Variants in PRKN observed in about 807,000 individuals in gnomAD.
PRKN encodes parkin RBR E3 ubiquitin protein ligase.
Under a neutral mutation model 59.5 loss-of-function variants are expected in PRKN, and 56 were observed. The observed-to-expected ratio is 0.94, with a 90% CI of 0.76 to 1.18. PRKN has a LOEUF of 1.18. PRKN is among the 50% of genes most tolerant of loss of function. The pLI is 0.00. For missense variants in PRKN, 657 were observed against 596.4 expected, an observed-to-expected ratio of 1.10 and a Z score of -1.06; for synonymous variants, 250 against 222.1, an observed-to-expected ratio of 1.13 and a Z score of -1.12.
chr6:161,919,155 CG>C (rs1383378359), intron 6 of PRKN, among the ~76,000 whole-genome samples: 1 of 152,086 alleles, frequency 6.6e-6, no homozygotes, highest in East Asian at 1.9e-4. Context: ...CAAAAGGTAT[CG>C]TATCCTTGCA....
intron 7 of PRKN, among the ~76,000 whole-genome samples, chr6:161,727,502 G>A (rs1401989766): frequency 6.6e-6 from 1 of 152,214 alleles, no homozygotes; most frequent in Non-Finnish European, 1.5e-5. Context: ...ACTTGCAAAT[G>A]ATTAATTATG....
chr6:162,146,438 A>G (rs926298815), intron 4 of PRKN, among the ~76,000 whole-genome samples: 9 of 150,702 alleles, frequency 6.0e-5, no homozygotes, highest in African/African-American at 7.4e-5. Flanking sequence ...AAATATATAT[A>G]TATATCGATA....
rs181811476 is a variant in PRKN, at chr6:161,399,388, G to A, written c.1084-12511C>T. ...TTAACACTTAAGCTGTCTGCAGACA[G>A]CAAAATTAAAAGAGCGCACTGTAAC... On this transcript the variant is annotated intron_variant, in intron 9 of 11. Transcript: ENST00000366898. The surrounding 1 kb of genome is among the most constrained non-coding windows in gnomAD (Gnocchi z 4.4). 6.6e-6 allele frequency among the ~76,000 whole-genome samples: 1 copy of A among 152,322 alleles called. No homozygotes were observed. Among genetic ancestry groups the A allele is most frequent in the East Asian group, 1.9e-4 (1 of 5,180 alleles).
Position 162,446,070 on chromosome 6 carries a change from A to T in PRKN, c.8-2597T>A, listed in dbSNP as rs117831356. Among the ~76,000 whole-genome samples, 70 of 152,302 alleles carry T rather than the reference A, an allele frequency of 4.6e-4. No individual in the cohort carries two copies. The East Asian group carries it at 0.012, about 26-fold the overall frequency. On this transcript the variant is annotated intron_variant, in intron 1 of 11. Coordinates refer to ENST00000366898, the MANE Select transcript of PRKN (RefSeq NM_004562.3). ...AATTACGGAGGAAAAGGTGCTTTTG[A>T]TACACTTTTAAGTCAATTTCATTTG...
intron 2 of PRKN, among the ~76,000 whole-genome samples, chr6:162,439,149 G>A (rs553944511): frequency 1.3e-5 from 2 of 152,102 alleles, no homozygotes; most frequent in African/African-American, 4.8e-5. Flanking sequence ...AGTGTTGGTG[G>A]GGACAAGGAT....
At chr6:161,517,769 T>G (rs1210385683) in intron 9 of PRKN, among the ~76,000 whole-genome samples, 105 of 61,476 alleles carry the variant, frequency 1.7e-3, no homozygotes, top group Middle Eastern at 0.014. Flanking sequence ...AAAAAAAGAG[T>G]TGAGGTGGTA....
At chr6:161,611,692 T>C (rs1782494394) in intron 7 of PRKN, among the ~76,000 whole-genome samples, 1 of 152,162 alleles carries the variant, frequency 6.6e-6, no homozygotes, top group South Asian at 2.1e-4. Flanking sequence ...GTCATAACAA[T>C]TTAAGTTAGG....
chr6:161,531,133 G>GC (rs1407527560), intron 9 of PRKN, among the ~76,000 whole-genome samples: 1 of 152,016 alleles, frequency 6.6e-6, no homozygotes, highest in Non-Finnish European at 1.5e-5. Context: ...TGTAATCCCA[G>GC]CATTTTGGGA....
At chr6:162,504,043 T>C (rs1382619543) in intron 1 of PRKN, among the ~76,000 whole-genome samples, 3 of 151,546 alleles carry the variant, frequency 2.0e-5, no homozygotes, top group Non-Finnish European at 4.4e-5. Flanking sequence ...CAGGCAGAAC[T>C]ACTGGAAAGA....
At chr6:161,844,959 G>A (rs62436137) in intron 6 of PRKN, among the ~76,000 whole-genome samples, 11,295 of 152,284 alleles carry the variant, frequency 0.074, 481 homozygotes, top group East Asian at 0.19. Flanking sequence ...TTGATAGAGC[G>A]TTTACTAATA....
At chr6:162,443,944 C>T (rs1790184859) in intron 1 of PRKN, among the ~76,000 whole-genome samples, 1 of 152,128 alleles carries the variant, frequency 6.6e-6, no homozygotes, top group African/African-American at 2.4e-5. Flanking sequence ...GAGTGAAGAC[C>T]CACTCGGGGC....
At chr6:161,851,310 G>A (rs1793424411) in intron 6 of PRKN, among the ~76,000 whole-genome samples, 1 of 152,092 alleles carries the variant, frequency 6.6e-6, no homozygotes, top group Non-Finnish European at 1.5e-5. Flanking sequence ...CAGGCCCCAT[G>A]ATCTTGGACT....
At chr6:162,394,223 A>G (rs1214164367) in intron 2 of PRKN, among the ~76,000 whole-genome samples, 1 of 152,198 alleles carries the variant, frequency 6.6e-6, no homozygotes, top group East Asian at 1.9e-4. Context: ...TAGGTAGTTC[A>G]GAAGAGGAGG....
At chr6:162,235,977 G>GAAAGAAAGA (rs1778675090) in intron 3 of PRKN, among the ~76,000 whole-genome samples, 1 of 111,552 alleles carries the variant, frequency 9.0e-6, no homozygotes, top group African/African-American at 4.4e-5. Flanking sequence ...AAGAAAGAAA[G>GAAAGAAAGA]AAAGAAAGAA....
At chr6:161,680,781 T>TTTGTTTTTGTTTTTG (rs1554292303) in intron 7 of PRKN, among the ~76,000 whole-genome samples, 1 of 93,806 alleles carries the variant, frequency 1.1e-5, no homozygotes, top group East Asian at 3.6e-4. Flanking sequence ...ATATATTTTT[T>TTTGTTTTTGTTTTTG]TTTTTTTTTC....
chr6:161,725,878 G>C (rs924546650), intron 7 of PRKN, among the ~76,000 whole-genome samples: 1 of 152,176 alleles, frequency 6.6e-6, no homozygotes, highest in African/African-American at 2.4e-5. Flanking sequence ...CTCGGTCATT[G>C]CTCTTGAGTT....
intron 6 of PRKN, among the ~76,000 whole-genome samples, chr6:161,847,925 T>C (rs1380999072): frequency 6.6e-6 from 1 of 152,196 alleles, no homozygotes; most frequent in African/African-American, 2.4e-5. Flanking sequence ...AGAAGAAGGC[T>C]GGTGCTCTGC....
chr6:161,445,151 C>T lies in PRKN; in HGVS notation c.1084-58274G>A, dbSNP rs12196262. On this transcript the variant is annotated intron_variant, in intron 9 of 11. Coordinates refer to ENST00000366898, the MANE Select transcript of PRKN (RefSeq NM_004562.3). This position sits in a 1 kb window ranked among gnomAD's most constrained non-coding sequence, Gnocchi z 7.7. ...GACGTGCTCAGCCTCTCCAAAGCCG[C>T]GGCGCTGACACAGCTCCCCCTGCAC... Among the ~76,000 whole-genome samples, 14,148 of 152,220 alleles carry T rather than the reference C, an allele frequency of 0.093. 835 individuals are homozygous for T. The highest frequency in any genetic ancestry group is 0.13 in the Middle Eastern group (39 of 294).
At chr6:162,008,708 T>C (rs183901128) in intron 5 of PRKN, among the ~76,000 whole-genome samples, 8 of 152,106 alleles carry the variant, frequency 5.3e-5, no homozygotes, top group African/African-American at 1.4e-4. Flanking sequence ...AATAGAAAAA[T>C]ACATCCTGAG....
Sources: gnomAD v4.1 joint callset for allele counts (sites outside exome capture counted in the v4.1 genomes callset) on GRCh38, gnomAD v4.1.1 for gene constraint, Gnocchi (gnomAD v3.1) non-coding constraint, MANE v1.5 for transcripts, NCBI Gene and HGNC (gene_info 2026-07-23, HGNC 2026-07-21) for gene names.